The following FIBP variants were observed in gnomAD, a reference collection of about 807,000 sequenced individuals.
FIBP encodes the protein FGF1 intracellular binding protein.
FIBP carries 29 observed loss-of-function variants against 40.5 expected under a neutral mutation model. The observed-to-expected ratio is 0.72, with a 90% confidence interval of 0.53 to 0.98. FIBP has a LOEUF of 0.98. FIBP is among the 50% of genes least tolerant of loss of function. The pLI is 0.00. For missense variants in FIBP, 411 were observed against 470.2 expected (o/e 0.87, Z 1.16); for synonymous variants, 215 against 191.1 (o/e 1.13, Z -1.03).
In FIBP at chr11:65,886,958, G is replaced by C. The variant is rs1335234119; in HGVS notation, c.412-536C>G. On this transcript the variant is annotated intron_variant, in intron 3 of 9. Transcript: ENST00000357519. Reference sequence around the variant, plus strand: ...GTAGAAGCAACATGAGTAAAGGAAAGCCTGGGGCTGGAGAAATGTAAGCCT... The same window carrying C: ...GTAGAAGCAACATGAGTAAAGGAAACCCTGGGGCTGGAGAAATGTAAGCCT... 3 of 169,664 alleles carry C rather than the reference G, an allele frequency of 1.8e-5. No individual in the cohort carries two copies. The East Asian group carries it at 5.1e-4, about 29-fold the overall frequency. 10.5% of individuals were successfully genotyped at this position (169,664 alleles called of 1,614,324 possible).
At chr11:65,886,747 C>A in intron 3 of FIBP, 1 of 235,350 alleles carries the variant, frequency 4.2e-6, no homozygotes, top group Non-Finnish European at 8.3e-6. Context: ...GCCCTAGAAA[C>A]TAAAAAATAA....
intron 9 of FIBP, 45 bp from the exon 10 acceptor site, chr11:65,884,088 C>A: frequency 1.3e-6 from 2 of 1,483,710 alleles, no homozygotes; most frequent in Non-Finnish European, 1.9e-6. Context: ...ACAACACTCA[C>A]CGTGATGGAG....
intron 3 of FIBP, 117 bp downstream of exon 3, chr11:65,887,480 GGGA>G: frequency 4.6e-6 from 5 of 1,079,968 alleles, no homozygotes; most frequent in South Asian, 1.3e-5. Context: ...GAAAGGGGAA[GGGA>G]GGAGAAGACT....
rs754334534 is a variant in FIBP, at chr11:65,886,449, G to A, written c.412-27C>T. 3.4e-6 allele frequency: 5 copies of A among 1,487,102 alleles called. No homozygotes were observed. In the South Asian group the frequency reaches 5.6e-5, roughly 17 times the overall value. The allele number at this position is 1,487,102 out of a possible 1,614,324, so 92.1% of individuals were successfully genotyped here. ...TGCAGGGCAGTTAGGGTAGAAGAGA[G>A]GACTGGTCAGAGTGTACACTGTGTC... On this transcript the variant is annotated intron_variant, in intron 3 of 9. Coordinates refer to ENST00000357519, the MANE Select transcript of FIBP (RefSeq NM_004214.5).
intron 9 of FIBP, 106 bp from the exon 10 acceptor site, chr11:65,884,149 T>C: frequency 7.5e-6 from 7 of 938,992 alleles, no homozygotes; most frequent in Non-Finnish European, 1.2e-5. Flanking sequence ...CCTTAGAAAA[T>C]CCTTACAATT....
rs747630653 is a variant in FIBP, at chr11:65,888,029, G to C, written c.189C>G (p.Phe63Leu). ...QSDTMDHYRT[F>L]HMLERLLHAP... ...CATGCAGCAGCCGCTCGAGCATGTG[G>C]AAGGTGCGGTAATGGTCCATGGTGT... The change falls in exon 2 of 10, where the codon TTC (phenylalanine) becomes TTG (leucine). Residue 63 changes from phenylalanine to leucine, a missense_variant. Transcript: ENST00000357519. 6.2e-7 allele frequency: 1 copy of C among 1,612,668 alleles called. No homozygotes were observed. Among genetic ancestry groups the C allele is most frequent in the African/African-American group, 1.3e-5 (1 of 74,920 alleles).
At chr11:65,888,258 A>G in intron 1 of FIBP, 76 bp downstream of exon 1, 1 of 1,490,584 alleles carries the variant, frequency 6.7e-7, no homozygotes. Context: ...AAGGATGCCC[A>G]AGTCTTAGCC....
chr11:65,887,730 G>A lies in FIBP; in HGVS notation c.285-4C>T, dbSNP rs1279724101. On this transcript the variant is annotated splice_region_variant and splice_polypyrimidine_tract_variant and intron_variant, in intron 2 of 9. Transcript: ENST00000357519. ...GGCCTCATCAAAGGCATAGTACCTTGTGGAGTCAGAGAACACCATTGACCC... is the reference window on the plus strand; with the variant it reads ...GGCCTCATCAAAGGCATAGTACCTTATGGAGTCAGAGAACACCATTGACCC... The A allele has an allele frequency of 2.5e-6, 4 of 1,613,962 alleles. No individual in the cohort carries two copies. The East Asian group carries it at 8.9e-5, about 36-fold the overall frequency.
In FIBP at chr11:65,886,393, CA is replaced by C; in HGVS notation, c.440del (p.Val147GlyfsTer2). On this transcript the variant is annotated frameshift_variant, in exon 4 of 10. Coordinates refer to ENST00000357519, the MANE Select transcript of FIBP (RefSeq NM_004214.5). LOFTEE classifies it high-confidence loss of function. ...QFDNFKRVFK[V>X]VEEMRGSLVD... The stretch of plus-strand genomic sequence containing the variant: ...CCAGGGAGCCCCGCATTTCCTCTAC[CA>C]CCTTGAAGACCCGTTTAAAGTTGTC... 6.2e-7 allele frequency: 1 copy of C among 1,613,898 alleles called. No homozygotes were observed. The highest frequency in any genetic ancestry group is 8.5e-7 in the Non-Finnish European group (1 of 1,179,910).
intron 4 of FIBP, 171 bp from the exon 5 acceptor site, chr11:65,885,834 A>G: frequency 1.5e-6 from 1 of 651,642 alleles, no homozygotes; most frequent in Non-Finnish European, 2.6e-6. Context: ...GTGCGAAGAG[A>G]AGGTTCCAGC....
Position 65,884,622 on chromosome 11 carries a change from T to C in FIBP, c.854A>G (p.Lys285Arg), listed in dbSNP as rs1860181698. The C allele has an allele frequency of 6.2e-7, 1 of 1,614,182 alleles. No individual in the cohort carries two copies. ...LSRGLVNVAA[K>R]LTHNKDVRDL... ...TCTGACATCTTTATTGTGGGTCAGC[T>C]TGGCGGCCACGTTCACCAGCCCCCG... Residue 285 changes from lysine (K) to arginine (R), a missense_variant, in exon 8 of 10, where the codon AAG (lysine) becomes AGG (arginine). Lys to Arg is a conservative substitution (Grantham distance 26, BLOSUM62 2). Transcript: ENST00000357519.
intron 3 of FIBP, chr11:65,887,168 C>A: frequency 3.0e-6 from 1 of 334,760 alleles, no homozygotes; most frequent in South Asian, 2.4e-5. Context: ...AACAGGGAGC[C>A]AGGCACGGTG....
intron 3 of FIBP, 30 bp from the exon 4 acceptor site, chr11:65,886,452 C>T (rs1232854189): frequency 1.4e-6 from 2 of 1,462,100 alleles, no homozygotes; most frequent in Non-Finnish European, 1.9e-6. Context: ...GAAGAGAGGA[C>T]TGGTCAGAGT....
chr11:65,885,110 C>T lies in FIBP; in HGVS notation c.723G>A (p.Val241=). The change falls in exon 6 of 10, where the codon GTG becomes GTA. Residue 241 remains valine, a synonymous_variant. Coordinates refer to ENST00000357519, the MANE Select transcript of FIBP (RefSeq NM_004214.5). ...LQDLKELKVL[V]ADKDLLDLHK... ...GCAGGTCCAGAAGGTCCTTGTCAGC[C>T]ACTAGCACCTTGAGCTCCTTCAAGT... The T allele has an allele frequency of 6.2e-7, 1 of 1,607,504 alleles. No individual in the cohort carries two copies. Among genetic ancestry groups the T allele is most frequent in the Non-Finnish European group, 8.5e-7 (1 of 1,175,874 alleles).
In FIBP at chr11:65,887,757, C is replaced by T. The variant is rs35815392; in HGVS notation, c.285-31G>A. Reference sequence around the variant, plus strand: ...GGAGTCAGAGAACACCATTGACCCTCCATAAAAGACAGGAAAGGGAGTCTG... The same window carrying T: ...GGAGTCAGAGAACACCATTGACCCTTCATAAAAGACAGGAAAGGGAGTCTG... On this transcript the variant is annotated intron_variant, in intron 2 of 9. Transcript: ENST00000357519. 9.6e-5 allele frequency: 154 copies of T among 1,605,410 alleles called. 1 individual carries two copies. The East Asian group carries it at 2.9e-3, about 30-fold the overall frequency.
Position 65,884,979 on chromosome 11 carries a change from GGA to G in FIBP, c.773_774del (p.Leu258ProfsTer9), listed in dbSNP as rs762228673. 6.2e-7 allele frequency: 1 copy of G among 1,614,156 alleles called. No homozygotes were observed. Among genetic ancestry groups the G allele is most frequent in the Non-Finnish European group, 8.5e-7 (1 of 1,180,026 alleles). ...TCAGAGAAGACGCCCAGCTTTCCCCGGAGAGCAGTGCACACCAGGCTGCAGAG... is the reference window on the plus strand; with the variant it reads ...TCAGAGAAGACGCCCAGCTTTCCCCGGAGCAGTGCACACCAGGCTGCAGAG... ...DLHKSLVCTA[L>X]RGKLGVFSEM... is the part of the protein sequence containing the mutation. On this transcript the variant is annotated frameshift_variant, in exon 7 of 10. Transcript: ENST00000357519. LOFTEE classifies it high-confidence loss of function.
In FIBP at chr11:65,884,632, C is replaced by T. The variant is rs143104660; in HGVS notation, c.844G>A (p.Val282Met). Residue 282 changes from valine to methionine, a missense_variant, in exon 8 of 10, where the codon GTG becomes ATG. Coordinates refer to ENST00000357519, the MANE Select transcript of FIBP (RefSeq NM_004214.5). ...FKNLSRGLVNVAAKLTHNKDV... is the reference protein window; with the variant it reads ...FKNLSRGLVNMAAKLTHNKDV... Reference sequence around the variant, plus strand: ...TTATTGTGGGTCAGCTTGGCGGCCACGTTCACCAGCCCCCGGGACAGGTTC... The same window carrying T: ...TTATTGTGGGTCAGCTTGGCGGCCATGTTCACCAGCCCCCGGGACAGGTTC... 3.3e-5 allele frequency: 53 copies of T among 1,614,050 alleles called. 1 individual carries two copies. The highest frequency in any genetic ancestry group is 4.2e-5 in the Non-Finnish European group (49 of 1,180,042).
chr11:65,887,014 C>T (rs923153890), intron 3 of FIBP: 1 of 201,506 alleles, frequency 5.0e-6, no homozygotes, highest in Non-Finnish European at 1.0e-5. Context: ...GATAACAGGA[C>T]AGTCCATAGG....
chr11:65,887,586 G>C lies in FIBP; in HGVS notation c.411+14C>G. 1 of 1,613,652 alleles carries C rather than the reference G, an allele frequency of 6.2e-7. No homozygotes were observed. The highest frequency in any genetic ancestry group is 8.5e-7 in the Non-Finnish European group (1 of 1,179,870). On this transcript the variant is annotated intron_variant, in intron 3 of 9. Coordinates refer to ENST00000357519, the MANE Select transcript of FIBP (RefSeq NM_004214.5). The stretch of plus-strand genomic sequence containing the variant: ...GTAGATGGGATGCTGTGTCCGTGTG[G>C]ATGCAGTGCATACCTGTCTCCGGCA...
Sources: allele counts gnomAD v4.1 joint callset, GRCh38; gene constraint gnomAD v4.1.1; transcripts MANE v1.5; gene names NCBI Gene and HGNC (gene_info 2026-07-23, HGNC 2026-07-21).